OR6B3: variants seen among roughly 807,000 people sequenced by gnomAD.
OR6B3 encodes olfactory receptor 6B3.
For missense variants in OR6B3, 315 were observed against 427.4 expected (o/e 0.74, Z 2.32); for synonymous variants, 148 against 187.8 (o/e 0.79, Z 1.73).
downstream of OR6B3, among the ~76,000 whole-genome samples, chr2:240,044,583 A>T (rs1574917851): frequency 6.6e-6 from 1 of 152,392 alleles, no homozygotes; most frequent in African/African-American, 2.4e-5. Flanking sequence ...CAATAATAAA[A>T]CAATTTTTAT....
chr2:240,048,457 G>T (rs1471199513), upstream of OR6B3, among the ~76,000 whole-genome samples: 2 of 152,120 alleles, frequency 1.3e-5, no homozygotes, highest in Non-Finnish European at 2.9e-5. Context: ...GGAGGGATGT[G>T]GGCTGGGTAC....
upstream of OR6B3, among the ~76,000 whole-genome samples, chr2:240,050,095 A>C (rs1267031509): frequency 6.7e-6 from 1 of 149,080 alleles, no homozygotes; most frequent in Non-Finnish European, 1.5e-5. Flanking sequence ...AAAAAAAATC[A>C]GTTGTGACAA....
chr2:240,049,208 C>T (rs912514668), upstream of OR6B3, among the ~76,000 whole-genome samples: 1 of 152,180 alleles, frequency 6.6e-6, no homozygotes, highest in South Asian at 2.1e-4. Context: ...CACCAGGTAC[C>T]AGGGAGATCA....
At chr2:240,044,967 T>C, downstream of OR6B3, 1 of 937,272 alleles carries the variant, frequency 1.1e-6, no homozygotes, top group Non-Finnish European at 1.6e-6. Context: ...CAACAATACC[T>C]ATGCTATTAA....
exon 2 of OR6B3, chr2:240,045,577 C>T (rs201316037): frequency 0.01 from 15,684 of 1,543,504 alleles, 105 homozygotes; most frequent in Non-Finnish European, 0.013. Context: ...CAGAACGTGA[C>T]GCTGGAGATA....
At chr2:240,049,703 A>AT (rs1698232264), upstream of OR6B3, among the ~76,000 whole-genome samples, 1 of 152,222 alleles carries the variant, frequency 6.6e-6, no homozygotes, top group African/African-American at 2.4e-5. Context: ...ATAATGAAAA[A>AT]TAGTAATTGT....
chr2:240,045,341 G>A, exon 2 of OR6B3: 4 of 1,614,228 alleles, frequency 2.5e-6, no homozygotes, highest in Non-Finnish European at 3.4e-6. Flanking sequence ...CCACGGTGAG[G>A]TGAGAGGCGC....
the OR6B3 span, among the ~76,000 whole-genome samples, chr2:240,053,396 T>A: frequency 2.0e-5 from 3 of 152,220 alleles, no homozygotes; most frequent in African/African-American, 7.2e-5. The surrounding 1 kb of genome is among the most constrained non-coding windows in gnomAD (Gnocchi z 4.1). Flanking sequence ...CAGTGCAAGA[T>A]GCACCCTGCT....
rs563179786 is a variant in OR6B3 at position 240,045,704 on chromosome 2, G to C, written c.369C>G (p.Tyr123Ter). The change falls in exon 2 of 2, where the codon TAC (tyrosine) becomes TAG (stop). Residue 123 changes from tyrosine (Y) to a stop codon, truncating the protein, a stop_gained. Transcript: ENST00000641019. LOFTEE classifies it low-confidence loss of function (END_TRUNC). ...AGCGCAGCGGGTGGCAGATGGCCAC[G>C]TAGCGGTCGTAGGCCATGGAGGCCA... 5.2e-6 allele frequency: 7 copies of C among 1,353,668 alleles called. No individual in the cohort carries two copies. In the East Asian group the frequency reaches 1.4e-4, roughly 27 times the overall value. The allele number at this position is 1,353,668 out of a possible 1,614,324, so 83.9% of individuals were successfully genotyped here.
At chr2:240,044,795 C>T (rs114609904), downstream of OR6B3, among the ~76,000 whole-genome samples, 2,793 of 152,268 alleles carry the variant, frequency 0.018, 58 homozygotes, top group African/African-American at 0.05. Context: ...TTTAACACAC[C>T]GCAATTTATT....
exon 2 of OR6B3, chr2:240,045,435 G>T (rs747734608): frequency 1.2e-6 from 2 of 1,614,090 alleles, no homozygotes; most frequent in African/African-American, 2.7e-5. Flanking sequence ...CAGCATGGTG[G>T]CCAGGAGTGG....
At chr2:240,045,307 G>A (rs775380164) in exon 2 of OR6B3, 19 of 1,614,128 alleles carry the variant, frequency 1.2e-5, no homozygotes, top group Non-Finnish European at 8.5e-7. Context: ...TACATGAAAA[G>A]CAAGGCTGTA....
chr2:240,045,510 G>A, exon 2 of OR6B3: 2 of 1,612,428 alleles, frequency 1.2e-6, no homozygotes, highest in South Asian at 1.1e-5. Flanking sequence ...GTCCGTGCAG[G>A]CCAGCTTGAG....
At chr2:240,046,060 T>C in exon 2 of OR6B3, 1 of 1,612,772 alleles carries the variant, frequency 6.2e-7, no homozygotes, top group Non-Finnish European at 8.5e-7. Flanking sequence ...CTGGTGACAT[T>C]CTCCCCACTC....
exon 2 of OR6B3, chr2:240,045,249 G>T (rs1487356891): frequency 6.2e-7 from 1 of 1,614,212 alleles, no homozygotes. Flanking sequence ...GTACAAAACA[G>T]AGATGAGCTT....
upstream of OR6B3, among the ~76,000 whole-genome samples, chr2:240,047,691 A>T (rs1320400510): frequency 2.6e-5 from 4 of 151,408 alleles, no homozygotes; most frequent in Non-Finnish European, 5.9e-5. Context: ...AAAAAGAAAA[A>T]GTTATGCACT....
At chr2:240,050,550 C>T (rs1285937535), upstream of OR6B3, among the ~76,000 whole-genome samples, 1 of 152,004 alleles carries the variant, frequency 6.6e-6, no homozygotes, top group Non-Finnish European at 1.5e-5. Context: ...CCTGTCTCTA[C>T]TAAAAATACA....
chr2:240,048,098 G>A (rs1312801034), upstream of OR6B3, among the ~76,000 whole-genome samples: 2 of 152,208 alleles, frequency 1.3e-5, no homozygotes, highest in Non-Finnish European at 2.9e-5. Flanking sequence ...AGGAAATGTA[G>A]GGAGTTGTTA....
chr2:240,045,443 T>G (rs760175172), exon 2 of OR6B3: 2 of 1,613,450 alleles, frequency 1.2e-6, no homozygotes, highest in East Asian at 4.5e-5. Flanking sequence ...TGGCCAGGAG[T>G]GGAAACACCA....
Sources: gnomAD v4.1 joint callset for allele counts (sites outside exome capture counted in the v4.1 genomes callset) on GRCh38, gnomAD v4.1.1 for gene constraint, Gnocchi (gnomAD v3.1) non-coding constraint, MANE v1.5 for transcripts, NCBI Gene and HGNC (gene_info 2026-07-23, HGNC 2026-07-21) for gene names.